Variants in SMCO2 observed in about 807,000 individuals in gnomAD.
SMCO2 encodes single-pass membrane protein with coiled-coil domains 2.
Under a neutral mutation model 29.5 loss-of-function variants are expected in SMCO2, and 25 were observed. The observed-to-expected ratio is 0.85, with a 90% CI of 0.62 to 1.18. SMCO2 has a LOEUF of 1.18. Ranked by LOEUF, SMCO2 falls within the 50% of genes most tolerant of loss-of-function variation. SMCO2 has a pLI of 0.00. For synonymous variants in SMCO2, 117 were observed against 123.3 expected (o/e 0.95, Z 0.34); for missense variants, 348 against 344.5 (o/e 1.01, Z -0.08).
At chr12:27,471,639 A>AGAAAT (rs1949542270) in intron 2 of SMCO2, among the ~76,000 whole-genome samples, 1 of 152,204 alleles carries the variant, frequency 6.6e-6, no homozygotes, top group Non-Finnish European at 1.5e-5. Flanking sequence ...GGCAAAGACT[A>AGAAAT]TCAACACATT....
chr12:27,487,366 T>C (rs764236815), intron 4 of SMCO2, among the ~76,000 whole-genome samples: 2 of 152,226 alleles, frequency 1.3e-5, no homozygotes, highest in Non-Finnish European at 2.9e-5. Flanking sequence ...AGGATAATTT[T>C]TTTGAGGTTT....
At chr12:27,467,251 T>C (rs1392983061) in intron 1 of SMCO2, among the ~76,000 whole-genome samples, 2 of 152,130 alleles carry the variant, frequency 1.3e-5, no homozygotes, top group Non-Finnish European at 2.9e-5. Flanking sequence ...TAAAAGTTTT[T>C]ATAGGATATG....
At chr12:27,429,581 A>C in the SMCO2 span, among the ~76,000 whole-genome samples, 1 of 152,090 alleles carries the variant, frequency 6.6e-6, no homozygotes, top group Non-Finnish European at 1.5e-5. Context: ...TTATGTTTCT[A>C]AGTATACTTT....
At chr12:27,441,087 T>C in the SMCO2 span, among the ~76,000 whole-genome samples, 3 of 151,308 alleles carry the variant, frequency 2.0e-5, no homozygotes, top group Non-Finnish European at 4.4e-5. Flanking sequence ...GCAAAACATG[T>C]CTCCACAAAA....
chr12:27,475,657 T>C, intron 4 of SMCO2: 1 of 1,550,002 alleles, frequency 6.5e-7, no homozygotes, highest in Non-Finnish European at 8.7e-7. Flanking sequence ...AACTTGGAGC[T>C]GATTACATAG....
the SMCO2 span, among the ~76,000 whole-genome samples, chr12:27,459,906 G>GT: frequency 2.0e-4 from 31 of 152,128 alleles, no homozygotes; most frequent in Admixed American, 6.5e-4. Context: ...AGGAAAATGT[G>GT]TTTTTTTTCT....
the SMCO2 span, among the ~76,000 whole-genome samples, chr12:27,451,411 C>A: frequency 6.6e-6 from 1 of 152,142 alleles, no homozygotes; most frequent in Non-Finnish European, 1.5e-5. Context: ...CAACCTCCCC[C>A]CTGCTGGTCC....
chr12:27,484,251 C>T (rs1347287576), intron 4 of SMCO2, among the ~76,000 whole-genome samples: 2 of 151,744 alleles, frequency 1.3e-5, no homozygotes, highest in Non-Finnish European at 2.9e-5. Flanking sequence ...ATTAGCTGGG[C>T]GCCTGTAATC....
chr12:27,489,642 A>C (rs947652109), intron 5 of SMCO2, among the ~76,000 whole-genome samples: 2 of 152,224 alleles, frequency 1.3e-5, no homozygotes, highest in African/African-American at 4.8e-5. Context: ...TATTAAAAGT[A>C]ACTTACAGAT....
chr12:27,443,518 G>A, the SMCO2 span, among the ~76,000 whole-genome samples: 1 of 152,172 alleles, frequency 6.6e-6, no homozygotes, highest in Non-Finnish European at 1.5e-5. Context: ...CCTGGCCAGA[G>A]TAATTTGGCA....
At chr12:27,442,100 A>G in the SMCO2 span, among the ~76,000 whole-genome samples, 38 of 152,228 alleles carry the variant, frequency 2.5e-4, no homozygotes, top group Non-Finnish European at 4.8e-4. Flanking sequence ...AAATCCCTAG[A>G]TCAGAAAAGT....
At position 27,469,648 on chromosome 12, in the gene SMCO2, A is replaced by G. The variant is rs550297738; in HGVS notation, c.-10-974A>G. Among the ~76,000 whole-genome samples the G allele has an allele frequency of 2.0e-5, 3 of 152,324 alleles. No individual in the cohort carries two copies. The East Asian group carries it at 5.8e-4, about 29-fold the overall frequency. On this transcript the variant is annotated intron_variant, in intron 1 of 7. Coordinates refer to ENST00000298876, the Ensembl canonical transcript of SMCO2. Reference sequence around the variant, plus strand: ...ACTGCTATCACTCACTTGAATATACAGAAGAGAAGGTGTCTTCCTGTTTAG... The same window carrying G: ...ACTGCTATCACTCACTTGAATATACGGAAGAGAAGGTGTCTTCCTGTTTAG...
At chr12:27,488,234 T>C (rs1949705719) in intron 4 of SMCO2, among the ~76,000 whole-genome samples, 1 of 152,238 alleles carries the variant, frequency 6.6e-6, no homozygotes, top group Admixed American at 6.5e-5. Flanking sequence ...CCTTTTAATT[T>C]TCAGCTCCTG....
the SMCO2 span, among the ~76,000 whole-genome samples, chr12:27,461,698 C>T: frequency 0.12 from 17,991 of 152,242 alleles, 1,222 homozygotes; most frequent in African/African-American, 0.18. Flanking sequence ...CAATTACTTT[C>T]ATACAATACG....
At chr12:27,443,660 A>G in the SMCO2 span, among the ~76,000 whole-genome samples, 1 of 152,226 alleles carries the variant, frequency 6.6e-6, no homozygotes, top group Non-Finnish European at 1.5e-5. Flanking sequence ...TAAATTCAAT[A>G]AAGGTGCAGG....
chr12:27,443,492 C>T, the SMCO2 span, among the ~76,000 whole-genome samples: 3 of 152,158 alleles, frequency 2.0e-5, no homozygotes, highest in South Asian at 6.2e-4. Flanking sequence ...TGTTATTCAA[C>T]GTAATATTGG....
the SMCO2 span, among the ~76,000 whole-genome samples, chr12:27,431,455 G>A: frequency 0.019 from 2,932 of 152,212 alleles, 84 homozygotes; most frequent in African/African-American, 0.067. Flanking sequence ...GGCAACCACT[G>A]TTCTGCTTTG....
intron 4 of SMCO2, among the ~76,000 whole-genome samples, chr12:27,484,972 T>C (rs1241878222): frequency 1.3e-5 from 2 of 151,150 alleles, no homozygotes; most frequent in Non-Finnish European, 3.0e-5. Flanking sequence ...TTGTGCCTTA[T>C]GGCTCTGCAA....
chr12:27,478,699 C>T (rs951571867), intron 4 of SMCO2, among the ~76,000 whole-genome samples: 2 of 152,098 alleles, frequency 1.3e-5, no homozygotes, highest in Non-Finnish European at 2.9e-5. Context: ...GGGCCTATCA[C>T]CAGGCCCTTG....
Sources: allele counts gnomAD v4.1 joint callset (sites outside exome capture counted in the v4.1 genomes callset), GRCh38; gene constraint gnomAD v4.1.1; transcripts MANE v1.5; gene names NCBI Gene and HGNC (gene_info 2026-07-23, HGNC 2026-07-21).